The following CHST11 variants were observed in gnomAD, a reference collection of about 807,000 sequenced individuals.
CHST11 encodes carbohydrate sulfotransferase 11.
CHST11 carries 9 observed loss-of-function variants against 30.4 expected under a neutral mutation model. That is an observed-to-expected ratio of 0.30 (90% CI 0.18 to 0.52). CHST11 has a LOEUF of 0.52. Among genes scored for constraint, CHST11 ranks in the 20% least tolerant of loss-of-function variants. The pLI is 0.97. For missense variants in CHST11, 348 were observed against 460.6 expected (o/e 0.76, Z 2.24); for synonymous variants, 152 against 187.8 (o/e 0.81, Z 1.56).
At chr12:104,541,165 A>C (rs981517148) in intron 1 of CHST11, among the ~76,000 whole-genome samples, 1 of 149,988 alleles carries the variant, frequency 6.7e-6, no homozygotes, top group African/African-American at 2.5e-5. Flanking sequence ...CACACATTTT[A>C]AAAGCTTTCA....
intron 1 of CHST11, among the ~76,000 whole-genome samples, chr12:104,510,041 T>C (rs952325979): frequency 1.3e-5 from 2 of 152,166 alleles, no homozygotes; most frequent in Non-Finnish European, 1.5e-5. Flanking sequence ...GGCATCTAGC[T>C]GGAGGGGATA....
At chr12:104,741,745 G>A (rs543956274) in intron 2 of CHST11, among the ~76,000 whole-genome samples, 3 of 152,226 alleles carry the variant, frequency 2.0e-5, no homozygotes, top group South Asian at 4.2e-4. Flanking sequence ...TGCAGAACCC[G>A]CTCATGTAAA....
intron 2 of CHST11, among the ~76,000 whole-genome samples, chr12:104,738,169 G>A (rs950459751): frequency 3.9e-5 from 6 of 152,110 alleles, no homozygotes; most frequent in Admixed American, 1.3e-4. Context: ...CCCAGACCCC[G>A]CGGGCTCATC....
intron 1 of CHST11, among the ~76,000 whole-genome samples, chr12:104,555,369 G>T (rs1693292303): frequency 6.6e-6 from 1 of 152,172 alleles, no homozygotes; most frequent in Non-Finnish European, 1.5e-5. Context: ...TTGTAATAGG[G>T]TTTTTACTTT....
At chr12:104,752,405 G>T (rs920453318) in intron 2 of CHST11, among the ~76,000 whole-genome samples, 6 of 152,074 alleles carry the variant, frequency 3.9e-5, no homozygotes, top group Non-Finnish European at 5.9e-5. Context: ...ACATTCTGAG[G>T]TTCTGGGTGG....
rs538646571 is a variant in CHST11, at chr12:104,671,660, C to A, written c.204+69669C>A. ...TTAAAGTGAGGTGATACTTTATTCA[C>A]CAAAGATTCCTTTACTTACAGAAAG... On this transcript the variant is annotated intron_variant, in intron 2 of 2. Coordinates refer to ENST00000303694, the MANE Select transcript of CHST11 (RefSeq NM_018413.6). Among the ~76,000 whole-genome samples, 23 of 152,286 alleles carry A rather than the reference C, an allele frequency of 1.5e-4. 1 individual carries two copies. The South Asian group carries it at 4.8e-3, about 32-fold the overall frequency.
intron 1 of CHST11, chr12:104,553,149 A>G (rs1330190905): frequency 6.6e-6 from 1 of 152,238 alleles, no homozygotes; most frequent in Non-Finnish European, 1.5e-5. Flanking sequence ...TAAATCTAAT[A>G]AATGTAAAGC....
At chr12:104,618,899 C>A (rs2039134353) in intron 2 of CHST11, among the ~76,000 whole-genome samples, 2 of 152,180 alleles carry the variant, frequency 1.3e-5, no homozygotes, top group African/African-American at 4.8e-5. Context: ...GGGGTCGACT[C>A]ATTGATTAAA....
rs990016015 is a variant in CHST11 at position 104,676,635 on chromosome 12, G to A, written c.204+74644G>A. ...TCCCCATGTTGGCCAGGATGGTCTC[G>A]ATCTCCTGACCTTGTGATCGGCCTC... On this transcript the variant is annotated intron_variant, in intron 2 of 2. Coordinates refer to ENST00000303694, the MANE Select transcript of CHST11 (RefSeq NM_018413.6). The surrounding 1 kb of genome is among the most constrained non-coding windows in gnomAD (Gnocchi z 4.4). 3.4e-4 allele frequency among the ~76,000 whole-genome samples: 52 copies of A among 152,174 alleles called. 1 individual carries two copies. The highest frequency in any genetic ancestry group is 6.8e-4 in the Non-Finnish European group (46 of 68,024).
At chr12:104,585,409 G>A (rs891018801) in intron 1 of CHST11, among the ~76,000 whole-genome samples, 1 of 152,172 alleles carries the variant, frequency 6.6e-6, no homozygotes, top group African/African-American at 2.4e-5. Context: ...TGGAATAGAA[G>A]AGGGTTTTGA....
intron 1 of CHST11, among the ~76,000 whole-genome samples, chr12:104,487,089 T>C (rs1031702318): frequency 6.6e-6 from 1 of 152,214 alleles, no homozygotes; most frequent in African/African-American, 2.4e-5. Context: ...CTTGCCAGAT[T>C]ATAGTTTCTG....
intron 2 of CHST11, among the ~76,000 whole-genome samples, chr12:104,669,778 G>T (rs948849357): frequency 1.3e-5 from 2 of 152,170 alleles, no homozygotes; most frequent in African/African-American, 4.8e-5. Flanking sequence ...ATGACAGCTC[G>T]TAGCTTACTT....
intron 1 of CHST11, among the ~76,000 whole-genome samples, chr12:104,511,498 G>T (rs960288422): frequency 2.6e-5 from 4 of 152,236 alleles, no homozygotes; most frequent in African/African-American, 4.8e-5. Context: ...AGCAAATGCA[G>T]TTGACAGTCA....
chr12:104,557,643 G>A (rs1270936582), intron 1 of CHST11, among the ~76,000 whole-genome samples: 5 of 152,094 alleles, frequency 3.3e-5, no homozygotes, highest in South Asian at 4.1e-4. Flanking sequence ...CGGGAGAGGA[G>A]GGAACATTTG....
chr12:104,710,485 T>C (rs1566048544), intron 2 of CHST11, among the ~76,000 whole-genome samples: 1 of 152,082 alleles, frequency 6.6e-6, no homozygotes, highest in Non-Finnish European at 1.5e-5. Flanking sequence ...CCTCTAGGAC[T>C]GGAAATCCAT....
chr12:104,524,708 G>A (rs920198138), intron 1 of CHST11, among the ~76,000 whole-genome samples: 2 of 152,088 alleles, frequency 1.3e-5, no homozygotes, highest in African/African-American at 4.8e-5. Context: ...TTGGCAAATG[G>A]TTATCAAGCA....
intron 1 of CHST11, among the ~76,000 whole-genome samples, chr12:104,462,091 A>G (rs1289933703): frequency 2.7e-5 from 4 of 148,722 alleles, no homozygotes; most frequent in African/African-American, 2.5e-5. Flanking sequence ...CACTTGAACC[A>G]GGGAGGCGGA....
intron 2 of CHST11, among the ~76,000 whole-genome samples, chr12:104,643,365 G>A (rs1331679743): frequency 1.3e-5 from 2 of 152,150 alleles, no homozygotes; most frequent in Non-Finnish European, 2.9e-5. Flanking sequence ...AAACCTTGTT[G>A]TTGCTCCTCA....
At chr12:104,750,428 CTTTTTTT>C (rs10659007) in intron 2 of CHST11, among the ~76,000 whole-genome samples, 79 of 48,820 alleles carry the variant, frequency 1.6e-3, no homozygotes, top group East Asian at 8.7e-3. Flanking sequence ...TATTTCTGCA[CTTTTTTT>C]TTTTTTTTTT....
Sources: allele counts gnomAD v4.1 joint callset (sites outside exome capture counted in the v4.1 genomes callset), GRCh38; gene constraint gnomAD v4.1.1; non-coding constraint Gnocchi (gnomAD v3.1); transcripts MANE v1.5; gene names NCBI Gene and HGNC (gene_info 2026-07-23, HGNC 2026-07-21).